Variants in RERG observed in about 807,000 individuals in gnomAD.
The protein encoded by RERG is RAS like estrogen regulated growth inhibitor, also known as ras-related and estrogen-regulated growth inhibitor.
In RERG, 25 loss-of-function variants were observed where a neutral mutation model predicts 23.2. The observed-to-expected ratio is 1.08, with a 90% CI of 0.79 to 1.50. The LOEUF (loss-of-function observed/expected upper bound fraction) is 1.50, where lower values mean the gene tolerates loss of function less well. RERG is among the 40% of genes most tolerant of loss of function. The probability of loss-of-function intolerance (pLI) is 0.00; values close to 1 mark genes in which losing one functional copy is unlikely to be tolerated. For missense variants in RERG, 253 were observed against 250.1 expected, an observed-to-expected ratio of 1.01 and a Z score of -0.08; for synonymous variants, 81 against 89.1, an observed-to-expected ratio of 0.91 and a Z score of 0.51.
intron 2 of RERG, among the ~76,000 whole-genome samples, chr12:15,127,642 T>C (rs775541533): frequency 2.9e-4 from 44 of 152,142 alleles, no homozygotes; most frequent in Non-Finnish European, 5.9e-4. Flanking sequence ...TTCACAAAAA[T>C]AGAGAAGACT....
intron 2 of RERG, among the ~76,000 whole-genome samples, chr12:15,140,836 T>A (rs1008965878): frequency 6.6e-6 from 1 of 152,132 alleles, no homozygotes; most frequent in Non-Finnish European, 1.5e-5. Context: ...ATGTTTTTAG[T>A]CTTTGTTTTG....
chr12:15,133,176 T>C (rs1353067625), intron 2 of RERG, among the ~76,000 whole-genome samples: 2 of 146,132 alleles, frequency 1.4e-5, no homozygotes, highest in African/African-American at 5.0e-5. Context: ...TATATATATG[T>C]ACATGTAACT....
intron 2 of RERG, among the ~76,000 whole-genome samples, chr12:15,148,972 CAT>C (rs1864389150): frequency 7.0e-6 from 1 of 142,614 alleles, no homozygotes; most frequent in African/African-American, 2.5e-5. Flanking sequence ...GGGTTCATGC[CAT>C]TCTCCTGCCT....
intron 2 of RERG, among the ~76,000 whole-genome samples, chr12:15,160,136 G>A (rs1465803920): frequency 1.3e-5 from 2 of 151,454 alleles, no homozygotes; most frequent in African/African-American, 2.4e-5. Context: ...GTTTTTATTT[G>A]TACACTTCTA....
intron 2 of RERG, among the ~76,000 whole-genome samples, chr12:15,140,699 T>C (rs117134101): frequency 0.013 from 2,020 of 152,252 alleles, 30 homozygotes; most frequent in Non-Finnish European, 0.022. Context: ...GTAATTTTTT[T>C]TTCTTTCAGA....
At chr12:15,115,479 A>T (rs58604705) in intron 3 of RERG, among the ~76,000 whole-genome samples, 2,806 of 152,278 alleles carry the variant, frequency 0.018, 84 homozygotes, top group African/African-American at 0.059. Flanking sequence ...TGTCAAAATA[A>T]GGGATGAAAG....
chr12:15,193,688 T>C (rs949708555), intron 2 of RERG, among the ~76,000 whole-genome samples: 1 of 152,160 alleles, frequency 6.6e-6, no homozygotes, highest in Non-Finnish European at 1.5e-5. Flanking sequence ...CACATGACCA[T>C]ATAATATAGG....
At chr12:15,182,281 C>T (rs1864934834) in intron 2 of RERG, among the ~76,000 whole-genome samples, 1 of 152,076 alleles carries the variant, frequency 6.6e-6, no homozygotes, top group South Asian at 2.1e-4. Flanking sequence ...TGGTCTCAAA[C>T]TCCCGGCCTT....
At chr12:15,115,757 G>T (rs1316077619) in intron 3 of RERG, among the ~76,000 whole-genome samples, 3 of 151,890 alleles carry the variant, frequency 2.0e-5, no homozygotes, top group Non-Finnish European at 4.4e-5. Context: ...CTATTTTGCA[G>T]TCCTTTTTTG....
At chr12:15,164,581 A>AT (rs1864659553) in intron 2 of RERG, among the ~76,000 whole-genome samples, 1 of 152,138 alleles carries the variant, frequency 6.6e-6, no homozygotes, top group Non-Finnish European at 1.5e-5. Flanking sequence ...CCACCCACCC[A>AT]TTGGACCGCC....
At chr12:15,159,696 C>T (rs1319254544) in intron 2 of RERG, among the ~76,000 whole-genome samples, 5 of 152,110 alleles carry the variant, frequency 3.3e-5, no homozygotes, top group Non-Finnish European at 5.9e-5. Context: ...TGGTGGCGGG[C>T]GCCTGTAGTG....
intron 2 of RERG, among the ~76,000 whole-genome samples, chr12:15,141,546 C>T (rs1034014160): frequency 4.6e-5 from 7 of 152,028 alleles, no homozygotes; most frequent in African/African-American, 1.7e-4. Flanking sequence ...TTGAATGTTG[C>T]CTATTTTTAA....
chr12:15,220,728 G>T (rs1374507414), intron 1 of RERG, among the ~76,000 whole-genome samples: 1 of 152,096 alleles, frequency 6.6e-6, no homozygotes, highest in Non-Finnish European at 1.5e-5. Flanking sequence ...CCCTAGTCTA[G>T]GCCTGGAAAT....
chr12:15,155,029 T>A (rs924447618), intron 2 of RERG, among the ~76,000 whole-genome samples: 3 of 152,186 alleles, frequency 2.0e-5, no homozygotes, highest in Non-Finnish European at 4.4e-5. Flanking sequence ...CCAGTGTATG[T>A]ATAAAATGAT....
chr12:15,204,164 A>G (rs138298663), intron 2 of RERG, among the ~76,000 whole-genome samples: 13 of 151,950 alleles, frequency 8.6e-5, no homozygotes, highest in African/African-American at 2.9e-4. Flanking sequence ...CCTGATTTCA[A>G]ACTATATTAC....
At chr12:15,191,229 A>T (rs1388737328) in intron 2 of RERG, among the ~76,000 whole-genome samples, 1 of 152,128 alleles carries the variant, frequency 6.6e-6, no homozygotes, top group African/African-American at 2.4e-5. Flanking sequence ...GGTAGCATGG[A>T]CTTCTGTGTA....
chr12:15,217,374 A>C, intron 2 of RERG, 55 bp downstream of exon 2: 1 of 1,189,570 alleles, frequency 8.4e-7, no homozygotes, highest in South Asian at 1.2e-5. Flanking sequence ...AACAGTAATA[A>C]AGAAACACAC....
chr12:15,191,132 G>A (rs7302787), intron 2 of RERG, among the ~76,000 whole-genome samples: 1 of 151,840 alleles, frequency 6.6e-6, no homozygotes, highest in Non-Finnish European at 1.5e-5. Flanking sequence ...AGAGAGGACA[G>A]GACTCATTAG....
At chr12:15,199,918 C>T (rs1454332642) in intron 2 of RERG, among the ~76,000 whole-genome samples, 1 of 151,944 alleles carries the variant, frequency 6.6e-6, no homozygotes, top group Non-Finnish European at 1.5e-5. Flanking sequence ...AAATGAAACT[C>T]CTTCATTGTA....
Sources: allele counts gnomAD v4.1 joint callset (sites outside exome capture counted in the v4.1 genomes callset), GRCh38; gene constraint gnomAD v4.1.1; transcripts MANE v1.5; gene names NCBI Gene and HGNC (gene_info 2026-07-23, HGNC 2026-07-21).